PPP3CA: variants seen among roughly 807,000 people sequenced by gnomAD.
The protein encoded by PPP3CA is CAM-PRP catalytic subunit.
Under a neutral mutation model 66.5 loss-of-function variants are expected in PPP3CA, and 14 were observed. The observed-to-expected ratio is 0.21, with a 90% CI of 0.14 to 0.33. PPP3CA has a LOEUF of 0.33. PPP3CA is among the 10% of genes least tolerant of loss of function. PPP3CA has a pLI of 1.00. For synonymous variants in PPP3CA, 232 were observed against 226.2 expected (o/e 1.03, Z -0.23); for missense variants, 317 against 639.5 (o/e 0.50, Z 5.44).
intron 8 of PPP3CA, among the ~76,000 whole-genome samples, chr4:101,072,248 C>T (rs1326519655): frequency 3.3e-5 from 5 of 152,200 alleles, no homozygotes; most frequent in Non-Finnish European, 4.4e-5. Flanking sequence ...AATGACTCTT[C>T]ATTTCAAAAG....
chr4:101,163,485 T>C lies in PPP3CA; in HGVS notation c.259+32431A>G, dbSNP rs151285520. On this transcript the variant is annotated intron_variant, in intron 2 of 13. Transcript: ENST00000394854. ...AGCATGTAGCATAGACAGTGTGGTC[T>C]CTGTAATTGCTTGATGTAGGCTTTA... Among the ~76,000 whole-genome samples the C allele has an allele frequency of 2.1e-3, 326 of 152,300 alleles. 3 individuals carry two copies. Among genetic ancestry groups the C allele is most frequent in the African/African-American group, 7.4e-3 (308 of 41,542 alleles).
At chr4:101,185,881 G>A (rs767266277) in intron 2 of PPP3CA, among the ~76,000 whole-genome samples, 31 of 152,120 alleles carry the variant, frequency 2.0e-4, no homozygotes, top group Non-Finnish European at 3.8e-4. Context: ...GCCTTTCTAT[G>A]TCTCAATCTT....
rs1011985836 is a variant in PPP3CA, at chr4:101,023,484, G to A, written c.*2381C>T. On this transcript the variant is annotated 3_prime_UTR_variant, in exon 14 of 14. Coordinates refer to ENST00000394854, the MANE Select transcript of PPP3CA (RefSeq NM_000944.5). ...TGCCATAGTTGCCTCAGCACAATTT[G>A]TAAAAGAAAGGAATCCAAAAAAATG... 2 of 152,116 alleles carry A rather than the reference G, an allele frequency of 1.3e-5. No individual in the cohort carries two copies. The highest frequency in any genetic ancestry group is 2.9e-5 in the Non-Finnish European group (2 of 68,018). The allele number at this position is 152,116 out of a possible 1,614,324, so 9.4% of individuals were successfully genotyped here. A position where few individuals can be genotyped will look rare whatever the true frequency, so the allele number is the denominator to read the frequency against.
chr4:101,106,326 T>C lies in PPP3CA; in HGVS notation c.384+2628A>G, dbSNP rs1034586027. On this transcript the variant is annotated intron_variant, in intron 3 of 13. Coordinates refer to ENST00000394854, the MANE Select transcript of PPP3CA (RefSeq NM_000944.5). ...AGTGAGCTATGACTGTGCTACTGCA[T>C]TGTAGCCTGGGTGACAGAGGGAGAC... Among the ~76,000 whole-genome samples, 3 of 147,006 alleles carry C rather than the reference T, an allele frequency of 2.0e-5. No homozygotes were observed. In the East Asian group the frequency reaches 6.2e-4, roughly 30 times the overall value.
intron 8 of PPP3CA, among the ~76,000 whole-genome samples, chr4:101,067,435 T>C (rs1728726510): frequency 6.6e-6 from 1 of 152,006 alleles, no homozygotes; most frequent in African/African-American, 2.4e-5. Context: ...AATCTCTATC[T>C]TAATCCACTG....
intron 2 of PPP3CA, among the ~76,000 whole-genome samples, chr4:101,127,029 C>G (rs982033743): frequency 6.6e-6 from 1 of 152,124 alleles, no homozygotes; most frequent in African/African-American, 2.4e-5. Flanking sequence ...GGATTTAAGT[C>G]CAAATTCTGC....
chr4:101,250,205 T>TA, intron 1 of PPP3CA: 1 of 258,112 alleles, frequency 3.9e-6, no homozygotes, highest in Non-Finnish European at 7.8e-6. Flanking sequence ...TTAAATAAGT[T>TA]AAGCACCTAG....
intron 1 of PPP3CA, among the ~76,000 whole-genome samples, chr4:101,341,620 T>C (rs186773162): frequency 4.4e-4 from 67 of 152,288 alleles, no homozygotes; most frequent in African/African-American, 1.6e-3. Context: ...TCCCATTTGA[T>C]TATCCTTCGG....
At chr4:101,244,233 C>T (rs1207508330) in intron 1 of PPP3CA, among the ~76,000 whole-genome samples, 1 of 152,080 alleles carries the variant, frequency 6.6e-6, no homozygotes, top group African/African-American at 2.4e-5. Flanking sequence ...AAAGTCACAC[C>T]AGGACCAACC....
intron 5 of PPP3CA, 150 bp downstream of exon 5, chr4:101,098,216 TA>T: frequency 1.2e-6 from 1 of 843,440 alleles, no homozygotes; most frequent in Non-Finnish European, 1.7e-6. Context: ...TCTTTCTAGA[TA>T]AAAATTTAAC....
At chr4:101,308,067 G>A (rs570976512) in intron 1 of PPP3CA, among the ~76,000 whole-genome samples, 1 of 152,132 alleles carries the variant, frequency 6.6e-6, no homozygotes, top group Non-Finnish European at 1.5e-5. Flanking sequence ...CATCTATTGG[G>A]TGTGCCTCCA....
At chr4:101,332,032 T>C (rs1231848083) in intron 1 of PPP3CA, among the ~76,000 whole-genome samples, 1 of 152,194 alleles carries the variant, frequency 6.6e-6, no homozygotes, top group Non-Finnish European at 1.5e-5. Context: ...GACACTGATG[T>C]TGGGAGGCTC....
intron 1 of PPP3CA, among the ~76,000 whole-genome samples, chr4:101,267,323 T>C (rs999981456): frequency 3.3e-5 from 5 of 152,192 alleles, no homozygotes; most frequent in Non-Finnish European, 7.3e-5. Context: ...ATAATAGGTA[T>C]GAATTATCCA....
At chr4:101,245,953 T>C (rs1054693551) in intron 1 of PPP3CA, among the ~76,000 whole-genome samples, 6 of 152,132 alleles carry the variant, frequency 3.9e-5, no homozygotes, top group African/African-American at 1.4e-4. Context: ...CCATTGTCAC[T>C]CATTTCTTTC....
At chr4:101,340,773 C>T (rs1265857256) in intron 1 of PPP3CA, among the ~76,000 whole-genome samples, 1 of 152,102 alleles carries the variant, frequency 6.6e-6, no homozygotes, top group Non-Finnish European at 1.5e-5. Context: ...GAATCACTGG[C>T]TGATATTTTC....
chr4:101,228,907 T>C (rs1725866305), intron 1 of PPP3CA, among the ~76,000 whole-genome samples: 1 of 151,700 alleles, frequency 6.6e-6, no homozygotes, highest in Non-Finnish European at 1.5e-5. Context: ...TCCCAGTAGA[T>C]ACTGGTTTTG....
intron 1 of PPP3CA, among the ~76,000 whole-genome samples, chr4:101,344,255 A>T (rs1224272290): frequency 6.6e-6 from 1 of 152,204 alleles, no homozygotes; most frequent in Non-Finnish European, 1.5e-5. Context: ...TTCATTCAGT[A>T]CGTGTATACA....
At chr4:101,289,467 G>T (rs971456849) in intron 1 of PPP3CA, among the ~76,000 whole-genome samples, 2 of 152,322 alleles carry the variant, frequency 1.3e-5, no homozygotes, top group South Asian at 4.1e-4. Flanking sequence ...AGACTATTAT[G>T]ATTTCCGCTA....
intron 8 of PPP3CA, among the ~76,000 whole-genome samples, chr4:101,075,924 G>A (rs1400216549): frequency 6.6e-6 from 1 of 152,060 alleles, no homozygotes; most frequent in African/African-American, 2.4e-5. Flanking sequence ...TGTCTGTCTT[G>A]TTTCATTTAT....
Sources: allele counts gnomAD v4.1 joint callset (sites outside exome capture counted in the v4.1 genomes callset), GRCh38; gene constraint gnomAD v4.1.1; transcripts MANE v1.5; gene names NCBI Gene and HGNC (gene_info 2026-07-23, HGNC 2026-07-21).